Variants in TANC1 observed in about 807,000 individuals in gnomAD.
The protein encoded by TANC1 is tetratricopeptide repeat, ankyrin repeat and coiled-coil containing 1.
TANC1 carries 77 observed loss-of-function variants against 149.7 expected under a neutral mutation model. That is an observed-to-expected ratio of 0.51 (90% CI 0.43 to 0.62). The LOEUF (loss-of-function observed/expected upper bound fraction) is 0.62, where lower values mean the gene tolerates loss of function less well. Ranked by LOEUF, TANC1 falls within the 20% of genes least tolerant of loss-of-function variation. The pLI, the probability that TANC1 is intolerant of heterozygous loss-of-function variation, is 0.00. For missense variants in TANC1, 1,985 were observed against 2,321.8 expected, an observed-to-expected ratio of 0.85 and a Z score of 2.98; for synonymous variants, 854 against 925.0, an observed-to-expected ratio of 0.92 and a Z score of 1.39.
chr2:159,217,776 A>G, intron 20 of TANC1, 146 bp downstream of exon 20: 2 of 1,059,842 alleles, frequency 1.9e-6, no homozygotes, highest in Non-Finnish European at 2.7e-6. Flanking sequence ...GGACTGCTTG[A>G]TAGAGCCACG....
chr2:159,104,981 C>CTTTTT (rs146778655), intron 4 of TANC1, among the ~76,000 whole-genome samples: 1 of 43,386 alleles, frequency 2.3e-5, no homozygotes, highest in African/African-American at 7.1e-5. Flanking sequence ...TGGATATTTG[C>CTTTTT]TTTTTTTTTT....
At chr2:159,002,713 G>A (rs2036731172) in intron 2 of TANC1, among the ~76,000 whole-genome samples, 1 of 152,172 alleles carries the variant, frequency 6.6e-6, no homozygotes, top group Non-Finnish European at 1.5e-5. Context: ...TTACCTTCAT[G>A]TGTTTACTTT....
rs115032652 is a variant in TANC1, at chr2:159,138,807, A to G, written c.364+2509A>G. On this transcript the variant is annotated intron_variant, in intron 5 of 26. Coordinates refer to ENST00000263635, the MANE Select transcript of TANC1 (RefSeq NM_033394.3). ...TTGTGAAGTGCTTTTGAAATTTCCC[A>G]TGGACTCGTGAAATAGCAGGTTATT... Among the ~76,000 whole-genome samples, 1,359 of 152,292 alleles carry G rather than the reference A, an allele frequency of 8.9e-3. 13 individuals are homozygous for G. Among genetic ancestry groups the G allele is most frequent in the African/African-American group, 0.026 (1,077 of 41,562 alleles).
chr2:159,005,655 T>A (rs2037091226), intron 2 of TANC1, among the ~76,000 whole-genome samples: 1 of 151,844 alleles, frequency 6.6e-6, no homozygotes, highest in Non-Finnish European at 1.5e-5. Flanking sequence ...AAAATAAATA[T>A]AATTTTATGA....
chr2:159,210,945 C>G (rs2058944806), intron 19 of TANC1, among the ~76,000 whole-genome samples: 1 of 151,722 alleles, frequency 6.6e-6, no homozygotes. Context: ...AATCTCAGCT[C>G]ACTGCAACCT....
chr2:159,152,556 A>C (rs1196196321), intron 7 of TANC1, among the ~76,000 whole-genome samples: 2 of 150,852 alleles, frequency 1.3e-5, no homozygotes, highest in African/African-American at 4.9e-5. Flanking sequence ...CAGTGGTGCA[A>C]TTGTAGCTCA....
intron 1 of TANC1, among the ~76,000 whole-genome samples, chr2:158,978,373 A>C (rs980920822): frequency 6.6e-6 from 1 of 152,168 alleles, no homozygotes; most frequent in African/African-American, 2.4e-5. Context: ...AGACCTGGAA[A>C]ATTTTTATTT....
chr2:159,023,130 T>C (rs927839300), intron 2 of TANC1, among the ~76,000 whole-genome samples: 1 of 152,174 alleles, frequency 6.6e-6, no homozygotes, highest in Non-Finnish European at 1.5e-5. Context: ...GTCACAAATA[T>C]CAACACTTTG....
intron 16 of TANC1, among the ~76,000 whole-genome samples, chr2:159,192,601 CAG>C (rs1431485987): frequency 1.3e-5 from 2 of 152,120 alleles, no homozygotes; most frequent in Admixed American, 6.5e-5. Context: ...AATCAGAAAT[CAG>C]GGGGTGGGGC....
chr2:159,180,320 A>G (rs893608848), intron 14 of TANC1, among the ~76,000 whole-genome samples: 2 of 152,252 alleles, frequency 1.3e-5, no homozygotes, highest in African/African-American at 4.8e-5. Context: ...CTTTCTAGGG[A>G]AATTCCAGTC....
intron 3 of TANC1, 70 bp downstream of exon 3, chr2:159,066,041 A>G: frequency 8.0e-7 from 1 of 1,252,572 alleles, no homozygotes; most frequent in Non-Finnish European, 1.2e-6. Context: ...CCCAGGCCGG[A>G]TGGATTTGTT....
intron 10 of TANC1, 132 bp from the exon 11 acceptor site, chr2:159,171,989 G>A: frequency 2.6e-6 from 2 of 782,992 alleles, no homozygotes; most frequent in Non-Finnish European, 2.0e-6. Context: ...GCTCTCATGT[G>A]GACCTCTGAA....
In TANC1 at chr2:159,196,706, G is replaced by A. The variant is rs372945297; in HGVS notation, c.3078G>A (p.Ser1026=). The A allele has an allele frequency of 3.3e-5, 54 of 1,613,856 alleles. No individual in the cohort carries two copies. Among genetic ancestry groups the A allele is most frequent in the East Asian group, 2.9e-4 (13 of 44,882 alleles). The change falls in exon 18 of 27, where the codon TCG becomes TCA. Residue 1026 remains serine (S), a synonymous_variant. Coordinates refer to ENST00000263635, the MANE Select transcript of TANC1 (RefSeq NM_033394.3). The part of the protein sequence containing the change: ...ILQYLLTCEW[S]PGPPQPGTLR... ...AGTACCTGCTGACTTGTGAGTGGTC[G>A]CCGGGTCCTCCCCAGCCAGGCACCC...
intron 2 of TANC1, among the ~76,000 whole-genome samples, chr2:159,003,341 T>C (rs1335555819): frequency 1.3e-5 from 2 of 152,312 alleles, no homozygotes; most frequent in African/African-American, 2.4e-5. Context: ...TGGGAAATAG[T>C]AATGGCTAAC....
At chr2:159,143,075 A>AAAC (rs56749323) in intron 5 of TANC1, among the ~76,000 whole-genome samples, 17,956 of 98,362 alleles carry the variant, frequency 0.18, 1,681 homozygotes, top group East Asian at 0.52. Flanking sequence ...AAAAAAAAAA[A>AAAC]AAACAACAAA....
chr2:159,061,412 G>A (rs2042225949), intron 2 of TANC1, among the ~76,000 whole-genome samples: 1 of 152,180 alleles, frequency 6.6e-6, no homozygotes, highest in Non-Finnish European at 1.5e-5. Context: ...CTGACAGTGA[G>A]TTATAAGACT....
At chr2:159,087,537 T>A (rs2045053482) in intron 3 of TANC1, among the ~76,000 whole-genome samples, 1 of 150,672 alleles carries the variant, frequency 6.6e-6, no homozygotes, top group Non-Finnish European at 1.5e-5. Flanking sequence ...ACACAGGGTC[T>A]CCTTTTGTTG....
chr2:159,118,198 C>A (rs149738309), intron 4 of TANC1, among the ~76,000 whole-genome samples: 1 of 152,118 alleles, frequency 6.6e-6, no homozygotes. Context: ...TGAAGTTATT[C>A]GTTTCCTTCC....
intron 2 of TANC1, among the ~76,000 whole-genome samples, chr2:159,059,888 T>TTGTATGTGTG (rs2042106490): frequency 2.6e-5 from 3 of 114,804 alleles, no homozygotes; most frequent in Non-Finnish European, 5.4e-5. Flanking sequence ...GCAGACCTCT[T>TTGTATGTGTG]TGTGTGTGTG....
Sources: gnomAD v4.1 joint callset for allele counts (sites outside exome capture counted in the v4.1 genomes callset) on GRCh38, gnomAD v4.1.1 for gene constraint, MANE v1.5 for transcripts, NCBI Gene and HGNC (gene_info 2026-07-23, HGNC 2026-07-21) for gene names.